Variants in NEURL4 observed in about 807,000 individuals in gnomAD.
NEURL4 encodes neuralized E3 ubiquitin protein ligase 4.
In NEURL4, 45 loss-of-function variants were observed where a neutral mutation model predicts 148.0. The observed-to-expected ratio is 0.30, with a 90% CI of 0.24 to 0.39. The LOEUF is 0.39. NEURL4 is among the 10% of genes least tolerant of loss of function. The pLI is 1.00. For missense variants in NEURL4, 1,776 were observed against 2,144.0 expected, an observed-to-expected ratio of 0.83 and a Z score of 3.39; for synonymous variants, 854 against 869.0, an observed-to-expected ratio of 0.98 and a Z score of 0.30.
At position 7,315,999 on chromosome 17, in the gene NEURL4, G is replaced by C; in HGVS notation, c.*124C>G. On this transcript the variant is annotated 3_prime_UTR_variant, in exon 29 of 29. Transcript: ENST00000399464. ...TCTGAGAGCCTGCCTACATGCTCCT[G>C]CGCGGCTGCCAAGCTCCAGCACCTG... 2.9e-6 allele frequency: 2 copies of C among 686,670 alleles called. No homozygotes were observed. Among genetic ancestry groups the C allele is most frequent in the Non-Finnish European group, 5.4e-6 (2 of 372,792 alleles). 42.5% of individuals were successfully genotyped at this position (686,670 alleles called of 1,614,324 possible).
chr17:7,324,523 G>C lies in NEURL4; in HGVS notation c.1814-43C>G, dbSNP rs1394167271. 1 of 1,555,108 alleles carries C rather than the reference G, an allele frequency of 6.4e-7. No individual in the cohort carries two copies. Among genetic ancestry groups the C allele is most frequent in the East Asian group, 2.2e-5 (1 of 44,634 alleles). Reference sequence around the variant, plus strand: ...AGGAGGGGACATGAGGGGAAATGCAGGGCTCCTCTCCTTGCCACAGCAGCG... The same window carrying C: ...AGGAGGGGACATGAGGGGAAATGCACGGCTCCTCTCCTTGCCACAGCAGCG... On this transcript the variant is annotated intron_variant, in intron 9 of 28. Transcript: ENST00000399464. This position sits in a 1 kb window ranked among gnomAD's most constrained non-coding sequence, Gnocchi z 5.9.
rs2072938399 is a variant in NEURL4 at position 7,316,029 on chromosome 17, T to C, written c.*94A>G. On this transcript the variant is annotated 3_prime_UTR_variant, in exon 29 of 29. Transcript: ENST00000399464. Reference sequence around the variant, plus strand: ...GCTGCCAAGCTCCAGCACCTGCGCATGCCACGAGTCACGGGAATGAGGTGG... The same window carrying C: ...GCTGCCAAGCTCCAGCACCTGCGCACGCCACGAGTCACGGGAATGAGGTGG... The C allele has an allele frequency of 1.3e-6, 1 of 776,220 alleles. No individual in the cohort carries two copies. The highest frequency in any genetic ancestry group is 1.4e-5 in the South Asian group (1 of 69,396). The allele number at this position is 776,220 out of a possible 1,614,324, so 48.1% of individuals were successfully genotyped here. A position where few individuals can be genotyped will look rare whatever the true frequency, so the allele number is the denominator to read the frequency against.
In NEURL4 at chr17:7,318,416, C is replaced by A; in HGVS notation, c.3865-60G>T. ...CAGACCCCAGGGCCTGCTGATCCCT[C>A]CCTGGAACAGAGATTTCCCCTGTCC... On this transcript the variant is annotated intron_variant, in intron 23 of 28. Coordinates refer to ENST00000399464, the MANE Select transcript of NEURL4 (RefSeq NM_032442.3). This position sits in a 1 kb window ranked among gnomAD's most constrained non-coding sequence, Gnocchi z 4.3. 6.2e-7 allele frequency: 1 copy of A among 1,611,282 alleles called. No individual in the cohort carries two copies. Among genetic ancestry groups the A allele is most frequent in the African/African-American group, 1.3e-5 (1 of 74,970 alleles).
intron 14 of NEURL4, 136 bp from the exon 15 acceptor site, chr17:7,323,259 T>C: frequency 9.9e-7 from 1 of 1,011,940 alleles, no homozygotes; most frequent in Non-Finnish European, 1.5e-6. Flanking sequence ...CAATCCTATC[T>C]CCTCTGTCCC....
intron 21 of NEURL4, among the ~76,000 whole-genome samples, chr17:7,320,317 T>C (rs1291640907): frequency 6.6e-6 from 1 of 152,056 alleles, no homozygotes; most frequent in African/African-American, 2.4e-5. Flanking sequence ...ATTTTTTTTG[T>C]AGAGACAGAG....
Position 7,318,630 on chromosome 17 carries a change from G to A in NEURL4, c.3729C>T (p.Gly1243=), listed in dbSNP as rs747064051. Residue 1243 remains glycine, a synonymous_variant, in exon 23 of 29, where the codon GGC becomes GGT. Transcript: ENST00000399464. The surrounding 1 kb of genome is among the most constrained non-coding windows in gnomAD (Gnocchi z 4.3). The part of the protein sequence containing the change: ...FGPNLDTCPE[G]TILGLRLDSS... ...TGTCCAGCCGCAGTCCCAGGATGGT[G>A]CCTTCAGGGCACGTGTCCAGATTGG... 1.9e-6 allele frequency: 3 copies of A among 1,613,592 alleles called. No homozygotes were observed. Among genetic ancestry groups the A allele is most frequent in the Admixed American group, 1.7e-5 (1 of 59,902 alleles).
In NEURL4 at chr17:7,318,456, T is replaced by C; in HGVS notation, c.3864+39A>G. On this transcript the variant is annotated intron_variant, in intron 23 of 28. Coordinates refer to ENST00000399464, the MANE Select transcript of NEURL4 (RefSeq NM_032442.3). This position sits in a 1 kb window ranked among gnomAD's most constrained non-coding sequence, Gnocchi z 4.3. The stretch of plus-strand genomic sequence containing the variant: ...TTCCCCTGTCCTGGACAGCGCAGAC[T>C]CTCAGGCACCCCTCCTCCCTGCCCC... 6.2e-7 allele frequency: 1 copy of C among 1,603,570 alleles called. No individual in the cohort carries two copies. Among genetic ancestry groups the C allele is most frequent in the Non-Finnish European group, 8.5e-7 (1 of 1,173,260 alleles).
In NEURL4 at chr17:7,325,433, C is replaced by T; in HGVS notation, c.1407G>A (p.Val469=). ...TPLTPPVVYG[V]VDLYGMAVKV... is the part of the protein sequence containing the mutation. Reference sequence around the variant, plus strand: ...TCACTGCCATCCCGTACAAGTCCACCACACCATACACCACTGGGGGCGTCA... The same window carrying T: ...TCACTGCCATCCCGTACAAGTCCACTACACCATACACCACTGGGGGCGTCA... The change falls in exon 8 of 29, where the codon GTG becomes GTA. Residue 469 remains valine (V), a synonymous_variant. Coordinates refer to ENST00000399464, the MANE Select transcript of NEURL4 (RefSeq NM_032442.3). The T allele has an allele frequency of 6.2e-7, 1 of 1,612,746 alleles. No individual in the cohort carries two copies. The highest frequency in any genetic ancestry group is 8.5e-7 in the Non-Finnish European group (1 of 1,179,978).
At chr17:7,316,557 T>C (rs1445124664) in intron 28 of NEURL4, among the ~76,000 whole-genome samples, 2 of 152,240 alleles carry the variant, frequency 1.3e-5, no homozygotes, top group Non-Finnish European at 2.9e-5. Flanking sequence ...CTTCTTAGGA[T>C]GTCCACACCA....
In NEURL4 at chr17:7,326,913, G is replaced by A. The variant is rs1348605313; in HGVS notation, c.890C>T (p.Ala297Val). The part of the protein sequence containing the change: ...LLNVNLSSPP[A>V]GEGLGSSGAA... ...ACCGCTAGATCCCAGGCCTTCCCCTGCCGGTGGGGAGCTCAGGTTCACATT... is the reference window on the plus strand; with the variant it reads ...ACCGCTAGATCCCAGGCCTTCCCCTACCGGTGGGGAGCTCAGGTTCACATT... The change falls in exon 4 of 29, where the codon GCA (alanine) becomes GTA (valine). Residue 297 changes from alanine to valine, a missense_variant. Transcript: ENST00000399464. The surrounding 1 kb of genome is among the most constrained non-coding windows in gnomAD (Gnocchi z 6.0). 1 of 1,613,878 alleles carries A rather than the reference G, an allele frequency of 6.2e-7. No homozygotes were observed. The highest frequency in any genetic ancestry group is 8.5e-7 in the Non-Finnish European group (1 of 1,180,018).
rs764404941 is a variant in NEURL4, at chr17:7,316,310, G to C, written c.4502C>G (p.Ser1501Cys). Residue 1501 changes from serine to cysteine, a missense_variant, in exon 29 of 29, where the codon TCC (serine) becomes TGC (cysteine). Ser to Cys is a moderately radical substitution (Grantham distance 112). Coordinates refer to ENST00000399464, the MANE Select transcript of NEURL4 (RefSeq NM_032442.3). ...CACCTGAGCCTGGTGCGTCCGCTGG[G>C]ATTTGGGGTCCCGGAATCTGTCAGA... ...ASKVQFRDPK[S>C]QRTHQAQVAF... is the part of the protein sequence containing the mutation. 1.3e-5 allele frequency: 21 copies of C among 1,612,454 alleles called. No homozygotes were observed. Among genetic ancestry groups the C allele is most frequent in the Non-Finnish European group, 1.8e-5 (21 of 1,179,744 alleles).
rs2072975320 is a variant in NEURL4, at chr17:7,318,103, G to A, written c.4022C>T (p.Ala1341Val). 6.2e-7 allele frequency: 1 copy of A among 1,614,064 alleles called. No homozygotes were observed. The highest frequency in any genetic ancestry group is 8.5e-7 in the Non-Finnish European group (1 of 1,180,038). Residue 1341 changes from alanine (A) to valine (V), a missense_variant, in exon 25 of 29, where the codon GCC becomes GTC. By Grantham distance (64) the Ala-to-Val change is moderately conservative. Coordinates refer to ENST00000399464, the MANE Select transcript of NEURL4 (RefSeq NM_032442.3). This position sits in a 1 kb window ranked among gnomAD's most constrained non-coding sequence, Gnocchi z 4.3. Reference sequence around the variant, plus strand: ...GAGTTCTTGGAAGCGAGAGCAAAGGGCATGGTACTCGCAGCTCTTTAGAGG... The same window carrying A: ...GAGTTCTTGGAAGCGAGAGCAAAGGACATGGTACTCGCAGCTCTTTAGAGG... ...ASPLKSCEYHALCSRFQELLL... is the reference protein window; with the variant it reads ...ASPLKSCEYHVLCSRFQELLL...
At position 7,318,739 on chromosome 17, in the gene NEURL4, G is replaced by A. The variant is rs896527947; in HGVS notation, c.3685-65C>T. The A allele has an allele frequency of 1.1e-5, 16 of 1,504,998 alleles. No individual in the cohort carries two copies. Among genetic ancestry groups the A allele is most frequent in the South Asian group, 1.3e-5 (1 of 76,822 alleles). The allele number at this position is 1,504,998 out of a possible 1,614,324, so 93.2% of individuals were successfully genotyped here. On this transcript the variant is annotated intron_variant, in intron 22 of 28. Transcript: ENST00000399464. The surrounding 1 kb of genome is among the most constrained non-coding windows in gnomAD (Gnocchi z 4.3). ...CACCGCGGCAGCTGTCCCGCCCTTTGCTCTGCTTCCTTTTGCCAGTGCCTT... is the reference window on the plus strand; with the variant it reads ...CACCGCGGCAGCTGTCCCGCCCTTTACTCTGCTTCCTTTTGCCAGTGCCTT...
rs373146913 is a variant in NEURL4 at position 7,319,149 on chromosome 17, G to C, written c.3585C>G (p.Thr1195=). Residue 1195 remains threonine, a synonymous_variant, in exon 22 of 29, where the codon ACC becomes ACG. Transcript: ENST00000399464. ...WTSSLVLGVI[T]CAPERLNFPA... ...GGAAGTTGAGCCTCTCAGGCGCGCA[G>C]GTGATGACTCCCAGGACAAGGGAAG... 2.2e-4 allele frequency: 357 copies of C among 1,613,988 alleles called. No individual in the cohort carries two copies. Among genetic ancestry groups the C allele is most frequent in the Non-Finnish European group, 2.9e-4 (344 of 1,180,030 alleles).
chr17:7,325,529 G>T, intron 7 of NEURL4, 56 bp from the exon 8 acceptor site: 7 of 1,596,524 alleles, frequency 4.4e-6, no homozygotes, highest in Non-Finnish European at 6.0e-6. Flanking sequence ...AGGGGAGAAA[G>T]TCAAACACAG....
chr17:7,326,399 A>T lies in NEURL4; in HGVS notation c.1204+38T>A. On this transcript the variant is annotated intron_variant, in intron 5 of 28. Coordinates refer to ENST00000399464, the MANE Select transcript of NEURL4 (RefSeq NM_032442.3). This position sits in a 1 kb window ranked among gnomAD's most constrained non-coding sequence, Gnocchi z 6.0. ...ACGGGGCTTCCTTCCCCTCAGCAACACCAGGCCTGCACCCCCGCCCCTGCC... is the reference window on the plus strand; with the variant it reads ...ACGGGGCTTCCTTCCCCTCAGCAACTCCAGGCCTGCACCCCCGCCCCTGCC... 6.2e-7 allele frequency: 1 copy of T among 1,613,458 alleles called. No homozygotes were observed. Among genetic ancestry groups the T allele is most frequent in the Non-Finnish European group, 8.5e-7 (1 of 1,179,494 alleles).
Position 7,324,601 on chromosome 17 carries a change from A to C in NEURL4, c.1814-121T>G. On this transcript the variant is annotated intron_variant, in intron 9 of 28. Coordinates refer to ENST00000399464, the MANE Select transcript of NEURL4 (RefSeq NM_032442.3). The surrounding 1 kb of genome is among the most constrained non-coding windows in gnomAD (Gnocchi z 5.9). ...ACCTTGCCTTTTCTTTGATGACTAG[A>C]TTTCTTCCCTGAGCAGGACAAGAAA... is the stretch of plus-strand genomic sequence containing the variant. 1 of 1,111,050 alleles carries C rather than the reference A, an allele frequency of 9.0e-7. No individual in the cohort carries two copies. The highest frequency in any genetic ancestry group is 1.3e-6 in the Non-Finnish European group (1 of 753,644). The allele number at this position is 1,111,050 out of a possible 1,614,324, so 68.8% of individuals were successfully genotyped here. A position where few individuals can be genotyped will look rare whatever the true frequency, so the allele number is the denominator to read the frequency against.
chr17:7,322,497 C>G lies in NEURL4; in HGVS notation c.2725+238G>C, dbSNP rs573555834. Among the ~76,000 whole-genome samples, 2 of 152,318 alleles carry G rather than the reference C, an allele frequency of 1.3e-5. No individual in the cohort carries two copies. The highest frequency in any genetic ancestry group is 1.3e-4 in the Admixed American group (2 of 15,300). ...CACCACAGCAAGGCCCATTTCCAAACCTGGCATGCTCAGCTTATGGTGTCC... is the reference window on the plus strand; with the variant it reads ...CACCACAGCAAGGCCCATTTCCAAAGCTGGCATGCTCAGCTTATGGTGTCC... On this transcript the variant is annotated intron_variant, in intron 16 of 28. Coordinates refer to ENST00000399464, the MANE Select transcript of NEURL4 (RefSeq NM_032442.3). The surrounding 1 kb of genome is among the most constrained non-coding windows in gnomAD (Gnocchi z 5.5).
Position 7,325,690 on chromosome 17 carries a change from T to C in NEURL4, c.1317A>G (p.Thr439=), listed in dbSNP as rs374148218. The change falls in exon 7 of 29, where the codon ACA becomes ACG. Residue 439 remains threonine (T), a synonymous_variant. Transcript: ENST00000399464. ...AGTGTAGGGCAGAGTTGGACTTCCT[T>C]GTGAGGCCAATGTGGTCACCCTCCT... ...ELQEGDHIGL[T]RKSNSALHFF... The C allele has an allele frequency of 1.2e-5, 19 of 1,613,570 alleles. No individual in the cohort carries two copies. In the African/African-American group the frequency reaches 2.5e-4, roughly 22 times the overall value.
Sources: gnomAD v4.1 joint callset for allele counts (sites outside exome capture counted in the v4.1 genomes callset) on GRCh38, gnomAD v4.1.1 for gene constraint, Gnocchi (gnomAD v3.1) non-coding constraint, MANE v1.5 for transcripts, NCBI Gene and HGNC (gene_info 2026-07-23, HGNC 2026-07-21) for gene names.